OXR1: variants seen among roughly 807,000 people sequenced by gnomAD.
OXR1 encodes the protein oxidation resistance 1, also known as oxidation resistance protein 1.
A neutral mutation model predicts 104.6 loss-of-function variants in OXR1; 41 were observed. That is an observed-to-expected ratio of 0.39 (90% confidence interval 0.31 to 0.51). The LOEUF is 0.51. Among genes scored for constraint, OXR1 ranks in the 20% least tolerant of loss-of-function variants. The pLI is 0.77. For synonymous variants in OXR1, 348 were observed against 348.4 expected (o/e 1.00, Z 0.01); for missense variants, 955 against 1,031.9 (o/e 0.93, Z 1.02).
intron 3 of OXR1, among the ~76,000 whole-genome samples, chr8:106,677,254 AATTTT>A (rs1243024205): frequency 2.0e-5 from 3 of 152,272 alleles, no homozygotes; most frequent in South Asian, 2.1e-4. Flanking sequence ...AAATAAATCG[AATTTT>A]ATTTTAATAC....
At chr8:106,702,282 T>C (rs28921408) in intron 7 of OXR1, among the ~76,000 whole-genome samples, 1,613 of 152,240 alleles carry the variant, frequency 0.011, 32 homozygotes, top group African/African-American at 0.036. Flanking sequence ...TATATAAATA[T>C]ATTTAAAATT....
At chr8:106,309,571 T>C (rs1353758934) in intron 1 of OXR1, among the ~76,000 whole-genome samples, 2 of 151,982 alleles carry the variant, frequency 1.3e-5, no homozygotes, top group Non-Finnish European at 2.9e-5. Context: ...AAATTAGTTA[T>C]TGAAGACTTT....
At chr8:106,650,548 C>A (rs1011176632) in intron 3 of OXR1, among the ~76,000 whole-genome samples, 2 of 152,132 alleles carry the variant, frequency 1.3e-5, no homozygotes, top group African/African-American at 4.8e-5. Flanking sequence ...GTCTAGCAAG[C>A]TCCTACAAGA....
intron 15 of OXR1, among the ~76,000 whole-genome samples, chr8:106,743,465 G>C (rs1254389786): frequency 6.6e-6 from 1 of 152,138 alleles, no homozygotes; most frequent in Non-Finnish European, 1.5e-5. Context: ...GGGATTACAG[G>C]TGTACACACC....
intron 2 of OXR1, among the ~76,000 whole-genome samples, chr8:106,451,359 A>G (rs1036020535): frequency 6.6e-6 from 1 of 152,178 alleles, no homozygotes; most frequent in Non-Finnish European, 1.5e-5. Context: ...ATACAGATGA[A>G]TTATGCCCAT....
intron 7 of OXR1, among the ~76,000 whole-genome samples, chr8:106,696,528 G>A (rs1483731672): frequency 6.6e-6 from 1 of 152,096 alleles, no homozygotes; most frequent in African/African-American, 2.4e-5. Context: ...TGTTAGCTTA[G>A]TAAGAAACTG....
chr8:106,634,406 T>C (rs1304909064), intron 3 of OXR1, among the ~76,000 whole-genome samples: 5 of 152,332 alleles, frequency 3.3e-5, no homozygotes, highest in Admixed American at 1.3e-4. Flanking sequence ...CAAGTTATAG[T>C]AGCATATATT....
intron 1 of OXR1, among the ~76,000 whole-genome samples, chr8:106,273,257 G>A (rs1467763018): frequency 6.8e-6 from 1 of 148,102 alleles, no homozygotes; most frequent in East Asian, 1.9e-4. Context: ...AAAAAAAAAA[G>A]AAGAAGAAGA....
chr8:106,342,965 G>T (rs1815317492), intron 1 of OXR1, among the ~76,000 whole-genome samples: 1 of 152,088 alleles, frequency 6.6e-6, no homozygotes, highest in African/African-American at 2.4e-5. Context: ...AGCTTCCCTT[G>T]CCTCTACTGG....
chr8:106,482,209 T>A (rs747386360), intron 2 of OXR1, among the ~76,000 whole-genome samples: 1 of 151,848 alleles, frequency 6.6e-6, no homozygotes, highest in Non-Finnish European at 1.5e-5. Context: ...CGCATCTTGG[T>A]GGAGGAAGTA....
At chr8:106,642,305 T>G (rs1823719796) in intron 3 of OXR1, among the ~76,000 whole-genome samples, 1 of 152,210 alleles carries the variant, frequency 6.6e-6, no homozygotes, top group African/African-American at 2.4e-5. Flanking sequence ...TTTTGACAGT[T>G]ATACTCCCTC....
chr8:106,515,162 TC>T (rs1489976569), intron 2 of OXR1, among the ~76,000 whole-genome samples: 1 of 152,108 alleles, frequency 6.6e-6, no homozygotes, highest in Non-Finnish European at 1.5e-5. Context: ...GCCTTGGTGA[TC>T]TATAGCTTAT....
At chr8:106,503,952 A>G (rs777095339) in intron 2 of OXR1, among the ~76,000 whole-genome samples, 6 of 152,208 alleles carry the variant, frequency 3.9e-5, no homozygotes, top group Non-Finnish European at 2.9e-5. Flanking sequence ...CAAACTACAG[A>G]TATCTCTCTA....
chr8:106,366,529 A>G (rs1274254673), intron 2 of OXR1, among the ~76,000 whole-genome samples: 1 of 152,192 alleles, frequency 6.6e-6, no homozygotes, highest in Non-Finnish European at 1.5e-5. Flanking sequence ...CTTAAACACT[A>G]TTTTCTGTAA....
chr8:106,282,308 A>C (rs757462258), intron 1 of OXR1, among the ~76,000 whole-genome samples: 4 of 152,358 alleles, frequency 2.6e-5, no homozygotes, highest in Non-Finnish European at 4.4e-5. Context: ...GTCACAGAGA[A>C]TATATCACAT....
chr8:106,737,722 T>G (rs201285962), intron 12 of OXR1, 122 bp downstream of exon 12: 1 of 408,098 alleles, frequency 2.5e-6, no homozygotes, highest in East Asian at 3.5e-5. Context: ...ATTAAATTCC[T>G]TTTTGTATTA....
chr8:106,408,384 A>T (rs1167416675), intron 2 of OXR1, among the ~76,000 whole-genome samples: 2 of 152,234 alleles, frequency 1.3e-5, no homozygotes, highest in East Asian at 3.9e-4. Context: ...TTACATTGGC[A>T]TCAGTTCTTT....
At chr8:106,441,904 T>C (rs1819801183) in intron 2 of OXR1, among the ~76,000 whole-genome samples, 1 of 152,190 alleles carries the variant, frequency 6.6e-6, no homozygotes, top group African/African-American at 2.4e-5. Context: ...TGAATAGCCT[T>C]TATTTCTTTC....
chr8:106,709,137 C>A (rs1055394500), intron 9 of OXR1, among the ~76,000 whole-genome samples: 1 of 151,958 alleles, frequency 6.6e-6, no homozygotes, highest in African/African-American at 2.4e-5. Flanking sequence ...TTATAAAAAT[C>A]TTCTGGAATT....
Sources: gnomAD v4.1 joint callset for allele counts (sites outside exome capture counted in the v4.1 genomes callset) on GRCh38, gnomAD v4.1.1 for gene constraint, MANE v1.5 for transcripts, NCBI Gene and HGNC (gene_info 2026-07-23, HGNC 2026-07-21) for gene names.